Variants in MRE11 observed in about 807,000 individuals in gnomAD.
MRE11 encodes the protein MRE11 double strand break repair nuclease.
MRE11 carries 62 observed loss-of-function variants against 91.7 expected under a neutral mutation model. The observed-to-expected ratio is 0.68, with a 90% CI of 0.55 to 0.84. The LOEUF is 0.84. Among genes scored for constraint, MRE11 ranks in the 40% least tolerant of loss-of-function variants. The probability of loss-of-function intolerance (pLI) is 0.00; values close to 1 mark genes in which losing one functional copy is unlikely to be tolerated. For synonymous variants in MRE11, 273 were observed against 271.4 expected (o/e 1.01, Z -0.06); for missense variants, 796 against 852.9 (o/e 0.93, Z 0.83).
chr11:94,442,892 T>C (rs16920449), intron 16 of MRE11, among the ~76,000 whole-genome samples: 4,930 of 152,270 alleles, frequency 0.032, 182 homozygotes, highest in African/African-American at 0.086. Context: ...GCTTTTATAT[T>C]AAACCTACCA....
In MRE11 at chr11:94,450,492, CAG is replaced by C. The variant is rs1946071244; in HGVS notation, c.1564-3056_1564-3055del. 2.0e-5 allele frequency among the ~76,000 whole-genome samples: 3 copies of C among 152,058 alleles called. No individual in the cohort carries two copies. In the South Asian group the frequency reaches 6.2e-4, roughly 31 times the overall value. ...ATGAAACTTTTTAGCTGATACATAA[CAG>C]GGTGCAAACAAAAATCTCAATACAT... On this transcript the variant is annotated intron_variant, in intron 14 of 19. Coordinates refer to ENST00000323929, the MANE Select transcript of MRE11 (RefSeq NM_005591.4).
chr11:94,478,060 G>T (rs1484450688), intron 6 of MRE11, among the ~76,000 whole-genome samples: 1 of 152,128 alleles, frequency 6.6e-6, no homozygotes, highest in Admixed American at 6.5e-5. Flanking sequence ...GGGGTGCAGG[G>T]TGGAGACAGA....
At chr11:94,420,895 G>A (rs930034703) in intron 19 of MRE11, among the ~76,000 whole-genome samples, 4 of 152,264 alleles carry the variant, frequency 2.6e-5, no homozygotes, top group Admixed American at 1.3e-4. Flanking sequence ...GGCCGGGTGT[G>A]GTGGCGGGCG....
chr11:94,467,601 A>G lies in MRE11; in HGVS notation c.1098+212T>C, dbSNP rs35931890. 0.046 allele frequency among the ~76,000 whole-genome samples: 7,016 copies of G among 152,166 alleles called. 392 individuals are homozygous for G. The highest frequency in any genetic ancestry group is 0.13 in the African/African-American group (5,529 of 41,456). On this transcript the variant is annotated intron_variant, in intron 10 of 19. Transcript: ENST00000323929. ...GCCAATCTATTAAATATAACAACAA[A>G]TTATTTAGAAAATGAGAAAAATAAG...
chr11:94,491,064 T>TA (rs1408925042), intron 2 of MRE11, 99 bp from the exon 3 acceptor site: 237 of 785,884 alleles, frequency 3.0e-4, no homozygotes, highest in Non-Finnish European at 1.8e-5. Context: ...ATAACAGTTA[T>TA]AGAGTAAAAT....
chr11:94,491,334 G>A (rs894539183), intron 2 of MRE11, among the ~76,000 whole-genome samples: 4 of 152,076 alleles, frequency 2.6e-5, no homozygotes, highest in Non-Finnish European at 4.4e-5. Flanking sequence ...CAGGAAAATC[G>A]AAGTTAATTT....
chr11:94,496,741 T>C, upstream of MRE11: 2 of 1,610,924 alleles, frequency 1.2e-6, no homozygotes, highest in Non-Finnish European at 1.7e-6. Flanking sequence ...ACCAAGAGAA[T>C]TCCTTGGATT....
intron 14 of MRE11, among the ~76,000 whole-genome samples, chr11:94,449,184 A>G (rs1946027289): frequency 6.6e-6 from 1 of 152,226 alleles, no homozygotes; most frequent in Non-Finnish European, 1.5e-5. Flanking sequence ...GGCAGGCAGC[A>G]TAAAGTGGGA....
intron 5 of MRE11, among the ~76,000 whole-genome samples, 196 bp from the exon 6 acceptor site, chr11:94,479,072 G>A (rs149230390): frequency 1.3e-5 from 2 of 152,224 alleles, no homozygotes; most frequent in African/African-American, 4.8e-5. Context: ...TACAGCAACT[G>A]GAATCACATG....
chr11:94,505,816 T>C, the MRE11 span, among the ~76,000 whole-genome samples: 2 of 152,186 alleles, frequency 1.3e-5, no homozygotes, highest in Non-Finnish European at 1.5e-5. Flanking sequence ...TCTACAGGTG[T>C]ACCTTTTAAA....
the MRE11 span, among the ~76,000 whole-genome samples, chr11:94,506,594 T>G: frequency 1.0e-4 from 12 of 115,072 alleles, no homozygotes; most frequent in African/African-American, 3.9e-4. Context: ...GCTTTTTTTG[T>G]TTTTTTTTTT....
chr11:94,469,780 A>C (rs1946659374), intron 9 of MRE11, among the ~76,000 whole-genome samples: 1 of 152,180 alleles, frequency 6.6e-6, no homozygotes, highest in African/African-American at 2.4e-5. Flanking sequence ...CACTGGTCAT[A>C]ATTATTATCA....
At chr11:94,426,626 C>A (rs1156854833) in intron 19 of MRE11, among the ~76,000 whole-genome samples, 1 of 152,104 alleles carries the variant, frequency 6.6e-6, no homozygotes, top group East Asian at 1.9e-4. Flanking sequence ...AGAATTGGTT[C>A]TTTAAAATAA....
intron 18 of MRE11, among the ~76,000 whole-genome samples, chr11:94,433,131 T>A (rs1945508712): frequency 6.6e-6 from 1 of 152,242 alleles, no homozygotes. Flanking sequence ...AAATATATCC[T>A]GAAACCATCT....
chr11:94,420,223 C>T, intron 19 of MRE11, 42 bp from the exon 20 acceptor site: 1 of 1,498,450 alleles, frequency 6.7e-7, no homozygotes, highest in Non-Finnish European at 9.2e-7. Flanking sequence ...TTGTTCCCTG[C>T]TTCACTGAAA....
chr11:94,504,505 T>C, the MRE11 span, among the ~76,000 whole-genome samples: 1 of 152,224 alleles, frequency 6.6e-6, no homozygotes. Context: ...TGCTTTAAAA[T>C]AATTAGTCCA....
At chr11:94,421,345 T>A (rs2134740646) in intron 19 of MRE11, among the ~76,000 whole-genome samples, 1 of 152,354 alleles carries the variant, frequency 6.6e-6, no homozygotes, top group East Asian at 1.9e-4. Context: ...ATTAACTATC[T>A]CTGATGAGTA....
At position 94,478,342 on chromosome 11, in the gene MRE11, T is replaced by C. The variant is rs376227003; in HGVS notation, c.544+393A>G. Among the ~76,000 whole-genome samples the C allele has an allele frequency of 5.0e-3, 768 of 152,338 alleles. 5 individuals are homozygous for C. Among genetic ancestry groups the C allele is most frequent in the Non-Finnish European group, 9.0e-3 (614 of 68,022 alleles). On this transcript the variant is annotated intron_variant, in intron 6 of 19. Coordinates refer to ENST00000323929, the MANE Select transcript of MRE11 (RefSeq NM_005591.4). ...TATAACATCCAGATTTCATTTTCCT[T>C]ATCTCTAAAATATAAATAACCATGA...
chr11:94,462,393 A>G (rs1440505780), intron 11 of MRE11, among the ~76,000 whole-genome samples: 2 of 152,182 alleles, frequency 1.3e-5, no homozygotes, highest in East Asian at 1.9e-4. Flanking sequence ...CCATCAAGCT[A>G]CCAATGACTT....
Sources: gnomAD v4.1 joint callset for allele counts (sites outside exome capture counted in the v4.1 genomes callset) on GRCh38, gnomAD v4.1.1 for gene constraint, MANE v1.5 for transcripts, NCBI Gene and HGNC (gene_info 2026-07-23, HGNC 2026-07-21) for gene names.